HACE1: variants seen among roughly 807,000 people sequenced by gnomAD.
The protein encoded by HACE1 is E3 ubiquitin-protein ligase HACE1.
Under a neutral mutation model 118.4 loss-of-function variants are expected in HACE1, and 73 were observed. The observed-to-expected ratio is 0.62, with a 90% confidence interval of 0.51 to 0.75. The LOEUF (loss-of-function observed/expected upper bound fraction) is 0.75, where lower values mean the gene tolerates loss of function less well. HACE1 is among the 30% of genes least tolerant of loss of function. The pLI is 0.00. For missense variants in HACE1, 749 were observed against 1,102.2 expected (o/e 0.68, Z 4.54); for synonymous variants, 368 against 374.8 (o/e 0.98, Z 0.21).
chr6:104,823,481 T>C (rs1772996993), intron 6 of HACE1, among the ~76,000 whole-genome samples: 1 of 147,150 alleles, frequency 6.8e-6, no homozygotes, highest in African/African-American at 2.4e-5. Flanking sequence ...TTATTTTCCA[T>C]TCATAAATCT....
At chr6:104,801,230 T>C (rs1340989989) in intron 7 of HACE1, among the ~76,000 whole-genome samples, 1 of 152,050 alleles carries the variant, frequency 6.6e-6, no homozygotes, top group Admixed American at 6.6e-5. Context: ...AAAAGACCAA[T>C]CTATGTTTGA....
intron 11 of HACE1, among the ~76,000 whole-genome samples, chr6:104,789,122 A>G (rs1339184443): frequency 6.6e-6 from 1 of 152,140 alleles, no homozygotes; most frequent in East Asian, 1.9e-4. Context: ...CACAATGAAC[A>G]GGAGATCTGA....
At chr6:104,846,630 G>A (rs1775695466) in intron 4 of HACE1, among the ~76,000 whole-genome samples, 1 of 152,214 alleles carries the variant, frequency 6.6e-6, no homozygotes, top group South Asian at 2.1e-4. Context: ...GCAGCCATCT[G>A]ATGACAGCTG....
At chr6:104,851,732 A>C (rs1776225457) in intron 2 of HACE1, among the ~76,000 whole-genome samples, 1 of 35,368 alleles carries the variant, frequency 2.8e-5, no homozygotes, top group South Asian at 2.0e-3. Context: ...ATTTAAAACA[A>C]AAAAAAAAAT....
intron 5 of HACE1, among the ~76,000 whole-genome samples, chr6:104,840,792 C>T (rs535809771): frequency 6.6e-6 from 1 of 152,234 alleles, no homozygotes; most frequent in Admixed American, 6.5e-5. Flanking sequence ...GGAGAAACCC[C>T]GTCTCTACTA....
chr6:104,756,327 T>A (rs1459079217), intron 19 of HACE1, among the ~76,000 whole-genome samples: 1 of 149,994 alleles, frequency 6.7e-6, no homozygotes, highest in African/African-American at 2.5e-5. Flanking sequence ...CAGGAGAATT[T>A]CTTGAACCCA....
At chr6:104,751,732 C>T (rs1051564103) in intron 19 of HACE1, among the ~76,000 whole-genome samples, 2 of 151,956 alleles carry the variant, frequency 1.3e-5, no homozygotes, top group East Asian at 3.9e-4. Flanking sequence ...TGCCTGTATA[C>T]ACATATAAAC....
chr6:104,732,577 C>T (rs1356311985), intron 22 of HACE1, among the ~76,000 whole-genome samples: 1 of 151,994 alleles, frequency 6.6e-6, no homozygotes, highest in Non-Finnish European at 1.5e-5. Flanking sequence ...AGTACAGTTT[C>T]AGTTGGGAAA....
chr6:104,857,860 G>C (rs988257606), intron 1 of HACE1, among the ~76,000 whole-genome samples: 1 of 151,444 alleles, frequency 6.6e-6, no homozygotes, highest in Non-Finnish European at 1.5e-5. Flanking sequence ...GGAAGGCTGA[G>C]GCAGGAGAAT....
intron 20 of HACE1, among the ~76,000 whole-genome samples, chr6:104,748,368 T>C (rs1234506411): frequency 6.6e-6 from 1 of 152,004 alleles, no homozygotes; most frequent in African/African-American, 2.4e-5. Context: ...AAATACAAAT[T>C]AAAATCTCAA....
At chr6:104,806,173 G>C (rs1174999346) in intron 7 of HACE1, among the ~76,000 whole-genome samples, 1 of 152,160 alleles carries the variant, frequency 6.6e-6, no homozygotes, top group Non-Finnish European at 1.5e-5. Flanking sequence ...TTCAAAAACA[G>C]ATTAAGGGCC....
intron 14 of HACE1, among the ~76,000 whole-genome samples, chr6:104,777,916 C>T (rs769169079): frequency 9.2e-5 from 14 of 152,088 alleles, no homozygotes; most frequent in Non-Finnish European, 1.5e-4. Flanking sequence ...CGCACCACCA[C>T]GCCTGGCTAA....
chr6:104,826,391 ATGG>A (rs376252263), intron 6 of HACE1, among the ~76,000 whole-genome samples: 3 of 152,342 alleles, frequency 2.0e-5, no homozygotes, highest in African/African-American at 7.2e-5. Context: ...AGTGTACTAG[ATGG>A]TGATCAGTGC....
intron 4 of HACE1, among the ~76,000 whole-genome samples, chr6:104,848,213 T>C (rs1040914192): frequency 1.3e-5 from 2 of 150,024 alleles, no homozygotes; most frequent in Non-Finnish European, 3.0e-5. Flanking sequence ...CCCAGCACTT[T>C]GGGAGGCCGA....
chr6:104,822,877 A>AT (rs1373664817), intron 6 of HACE1, among the ~76,000 whole-genome samples: 1 of 152,050 alleles, frequency 6.6e-6, no homozygotes, highest in Non-Finnish European at 1.5e-5. Context: ...TAAACCATGT[A>AT]TTTTTTATAC....
chr6:104,747,253 A>C (rs2114536492), intron 20 of HACE1, among the ~76,000 whole-genome samples: 1 of 152,266 alleles, frequency 6.6e-6, no homozygotes, highest in East Asian at 1.9e-4. Context: ...ACCTAGCATC[A>C]CACGATTCAG....
At chr6:104,736,640 A>G (rs1775868753) in intron 22 of HACE1, among the ~76,000 whole-genome samples, 1 of 152,176 alleles carries the variant, frequency 6.6e-6, no homozygotes, top group Admixed American at 6.5e-5. Flanking sequence ...TAAGTTATTG[A>G]CAATTCAGAG....
intron 22 of HACE1, among the ~76,000 whole-genome samples, chr6:104,740,453 T>C (rs1446930722): frequency 6.6e-6 from 1 of 152,064 alleles, no homozygotes; most frequent in Non-Finnish European, 1.5e-5. Context: ...ATCAAATAGA[T>C]GCACTAAAAA....
intron 6 of HACE1, among the ~76,000 whole-genome samples, chr6:104,820,017 A>G (rs905316423): frequency 1.3e-5 from 2 of 152,120 alleles, no homozygotes; most frequent in African/African-American, 2.4e-5. Flanking sequence ...CAACATGGCA[A>G]AACCCCATCT....
Sources: allele counts gnomAD v4.1 joint callset (sites outside exome capture counted in the v4.1 genomes callset), GRCh38; gene constraint gnomAD v4.1.1; transcripts MANE v1.5; gene names NCBI Gene and HGNC (gene_info 2026-07-23, HGNC 2026-07-21).